Variants in AKT3 observed in about 807,000 individuals in gnomAD.
AKT3 encodes the protein RAC-gamma serine/threonine-protein kinase.
Under a neutral mutation model 65.3 loss-of-function variants are expected in AKT3, and 15 were observed. That is an observed-to-expected ratio of 0.23 (90% CI 0.15 to 0.35). The LOEUF (loss-of-function observed/expected upper bound fraction) is 0.35. Among genes scored for constraint, AKT3 ranks in the 10% least tolerant of loss-of-function variants. The pLI, the probability that AKT3 is intolerant of heterozygous loss-of-function variation, is 1.00. For synonymous variants in AKT3, 206 were observed against 183.8 expected, an observed-to-expected ratio of 1.12 and a Z score of -0.98; for missense variants, 243 against 576.5, an observed-to-expected ratio of 0.42 and a Z score of 5.92.
chr1:243,690,496 C>G (rs973095448), intron 3 of AKT3, among the ~76,000 whole-genome samples: 4 of 152,126 alleles, frequency 2.6e-5, no homozygotes, highest in South Asian at 2.1e-4. Context: ...ATGTACTATG[C>G]TTGAAAAACC....
Position 243,503,441 on chromosome 1 carries a change from G to A in AKT3, c.*1808C>T, listed in dbSNP as rs948597839. ...ATACTACGTCATGCTGTAGTCTTCC[G>A]TTTGGGAGCTGTCAGAGTTTAACTA... On this transcript the variant is annotated 3_prime_UTR_variant, in exon 14 of 14. Transcript: ENST00000673466. 20 of 233,490 alleles carry A rather than the reference G, an allele frequency of 8.6e-5. No homozygotes were observed. Among genetic ancestry groups the A allele is most frequent in the East Asian group, 3.6e-4 (6 of 16,558 alleles). The allele number at this position is 233,490 out of a possible 1,614,324, so 14.5% of individuals were successfully genotyped here. A position where few individuals can be genotyped will look rare whatever the true frequency, so the allele number is the denominator to read the frequency against.
chr1:243,553,427 G>A (rs1673204319), intron 10 of AKT3, among the ~76,000 whole-genome samples: 1 of 152,108 alleles, frequency 6.6e-6, no homozygotes, highest in Non-Finnish European at 1.5e-5. Context: ...GTAAACAAAG[G>A]CAATGTAATG....
At chr1:243,522,992 G>A (rs1226885575) in intron 12 of AKT3, among the ~76,000 whole-genome samples, 1 of 152,038 alleles carries the variant, frequency 6.6e-6, no homozygotes, top group African/African-American at 2.4e-5. Flanking sequence ...GGGAACATTT[G>A]GGTTGGGGGA....
intron 2 of AKT3, among the ~76,000 whole-genome samples, chr1:243,731,794 T>C (rs1255825898): frequency 1.3e-5 from 2 of 152,276 alleles, no homozygotes; most frequent in South Asian, 2.1e-4. Context: ...CCAATGTACT[T>C]CACTAACCCT....
chr1:243,587,122 C>CAG (rs1675869459), intron 8 of AKT3, among the ~76,000 whole-genome samples: 1 of 151,948 alleles, frequency 6.6e-6, no homozygotes, highest in African/African-American at 2.4e-5. Context: ...ATCAATGTAA[C>CAG]AGAGACAAAA....
intron 2 of AKT3, among the ~76,000 whole-genome samples, chr1:243,729,685 A>AG (rs1687426687): frequency 6.6e-6 from 1 of 152,236 alleles, no homozygotes; most frequent in Non-Finnish European, 1.5e-5. Context: ...TAATATTAAG[A>AG]GAAAAAAAGC....
Position 243,537,046 on chromosome 1 carries a change from C to T in AKT3, c.1251+8464G>A, listed in dbSNP as rs1259773064. 2.6e-5 allele frequency among the ~76,000 whole-genome samples: 4 copies of T among 152,276 alleles called. No homozygotes were observed. In the East Asian group the frequency reaches 7.7e-4, roughly 29 times the overall value. ...ACCGAACTCTTCAGGCTGAATATCT[C>T]AACCAGAAAGTAGAAAGTCACAACT... On this transcript the variant is annotated intron_variant, in intron 12 of 13. Coordinates refer to ENST00000673466, the MANE Select transcript of AKT3 (RefSeq NM_005465.7).
intron 3 of AKT3, chr1:243,687,300 A>G (rs954094706): frequency 6.6e-6 from 1 of 152,188 alleles, no homozygotes; most frequent in Non-Finnish European, 1.5e-5. Flanking sequence ...TAAAGACTGT[A>G]ACTAAAATGA....
chr1:243,528,658 T>C (rs1671317650), intron 12 of AKT3, among the ~76,000 whole-genome samples: 1 of 152,232 alleles, frequency 6.6e-6, no homozygotes, highest in African/African-American at 2.4e-5. Context: ...ATGATCTTGT[T>C]CTTTTTGATG....
chr1:243,637,773 GAAGT>G (rs748412145), intron 5 of AKT3, 31 bp from the exon 6 acceptor site: 4 of 1,429,730 alleles, frequency 2.8e-6, no homozygotes, highest in African/African-American at 2.9e-5. Flanking sequence ...AATATAATAT[GAAGT>G]ATTTGATGCA....
rs1681112566 is a variant in AKT3, at chr1:243,649,359, ATGTTGGGTGTGTGTGTGTG to A, written c.285-3341_285-3323del. On this transcript the variant is annotated intron_variant, in intron 4 of 13. Coordinates refer to ENST00000673466, the MANE Select transcript of AKT3 (RefSeq NM_005465.7). ...TGTGTGTGTGTGTGTGTGTGTGTGT[ATGTTGGGTGTGTGTGTGTG>A]TATATATATATGTTATGTGTATATA... Among the ~76,000 whole-genome samples, 32 of 105,050 alleles carry A rather than the reference ATGTTGGGTGTGTGTGTGTG, an allele frequency of 3.0e-4. 1 individual carries two copies. The highest frequency in any genetic ancestry group is 5.2e-4 in the Non-Finnish European group (26 of 50,118). The allele number at this position is 105,050 out of a possible 152,430, so 68.9% of individuals were successfully genotyped here.
Position 243,646,046 on chromosome 1 carries a change from A to G in AKT3, c.285-9T>C, listed in dbSNP as rs1351621237. ...CTTCTGTCCATTCTTCCCTATAAAAATGAGTAAAATTTCCCATTAATAGAA... is the reference window on the plus strand; with the variant it reads ...CTTCTGTCCATTCTTCCCTATAAAAGTGAGTAAAATTTCCCATTAATAGAA... On this transcript the variant is annotated splice_polypyrimidine_tract_variant and intron_variant, in intron 4 of 13. Transcript: ENST00000673466. The G allele has an allele frequency of 6.3e-7, 1 of 1,580,026 alleles. No individual in the cohort carries two copies. Among genetic ancestry groups the G allele is most frequent in the Middle Eastern group, 1.7e-4 (1 of 5,870 alleles).
chr1:243,762,532 T>C (rs561016817), intron 2 of AKT3, among the ~76,000 whole-genome samples: 6 of 152,212 alleles, frequency 3.9e-5, no homozygotes, highest in Non-Finnish European at 8.8e-5. Flanking sequence ...TTCCGTACTA[T>C]TAATAAGACT....
chr1:243,809,689 G>A (rs1217741831), intron 2 of AKT3, among the ~76,000 whole-genome samples: 1 of 152,180 alleles, frequency 6.6e-6, no homozygotes, highest in Non-Finnish European at 1.5e-5. Context: ...AGACCTAATA[G>A]ACATCTAGAG....
chr1:243,849,390 C>A (rs1351652652), intron 1 of AKT3, among the ~76,000 whole-genome samples: 12 of 139,794 alleles, frequency 8.6e-5, no homozygotes, highest in Non-Finnish European at 1.6e-4. Context: ...ACACACACCC[C>A]CCCCCCCACC....
intron 13 of AKT3, chr1:243,489,283 G>A: frequency 8.6e-7 from 1 of 1,161,304 alleles, no homozygotes; most frequent in Non-Finnish European, 1.2e-6. Context: ...GACTGTGCTG[G>A]GCACAGTGCA....
chr1:243,580,012 T>A (rs921388764), intron 8 of AKT3, among the ~76,000 whole-genome samples: 3 of 152,184 alleles, frequency 2.0e-5, no homozygotes, highest in Non-Finnish European at 2.9e-5. Context: ...TTTCTAAGCA[T>A]AAAAGAAATG....
At chr1:243,492,208 G>A (rs1179210108) in intron 13 of AKT3, among the ~76,000 whole-genome samples, 3 of 151,426 alleles carry the variant, frequency 2.0e-5, no homozygotes, top group African/African-American at 4.8e-5. Context: ...TTTTGGCCAC[G>A]AGAACCCCCA....
At chr1:243,839,866 CA>C (rs761747534) in intron 2 of AKT3, among the ~76,000 whole-genome samples, 792 of 72,616 alleles carry the variant, frequency 0.011, 3 homozygotes, top group African/African-American at 0.034. Flanking sequence ...GACTCCATCT[CA>C]AAAAAAAAAA....
Sources: gnomAD v4.1 joint callset for allele counts (sites outside exome capture counted in the v4.1 genomes callset) on GRCh38, gnomAD v4.1.1 for gene constraint, MANE v1.5 for transcripts, NCBI Gene and HGNC (gene_info 2026-07-23, HGNC 2026-07-21) for gene names.